THBS4: variants seen among roughly 807,000 people sequenced by gnomAD.
THBS4 encodes the protein thrombospondin 4, also known as thrombospondin-4.
In THBS4, 90 loss-of-function variants were observed where a neutral mutation model predicts 115.7. The ratio of observed to expected loss-of-function variants is 0.78; its 90% CI spans 0.66 to 0.93. THBS4 has a LOEUF of 0.93. Among genes scored for constraint, THBS4 ranks in the 40% least tolerant of loss-of-function variants. The probability of loss-of-function intolerance (pLI) is 0.00; values close to 1 mark genes in which losing one functional copy is unlikely to be tolerated. For missense variants in THBS4, 1,087 were observed against 1,232.7 expected, an observed-to-expected ratio of 0.88 and a Z score of 1.77; for synonymous variants, 460 against 479.3, an observed-to-expected ratio of 0.96 and a Z score of 0.53.
chr5:80,001,066 A>G (rs1831888901), intron 2 of THBS4, among the ~76,000 whole-genome samples: 3 of 152,222 alleles, frequency 2.0e-5, no homozygotes, highest in African/African-American at 4.8e-5. Flanking sequence ...TTGACTCTCA[A>G]TAAGACTTCT....
chr5:80,049,954 G>C (rs538516504), intron 2 of THBS4, among the ~76,000 whole-genome samples: 1 of 152,322 alleles, frequency 6.6e-6, no homozygotes, highest in African/African-American at 2.4e-5. Flanking sequence ...AGGTGGAGCA[G>C]AGTCAGAGAC....
chr5:80,040,302 A>G (rs771446876), intron 2 of THBS4, 22 bp downstream of exon 2: 1 of 1,578,292 alleles, frequency 6.3e-7, no homozygotes, highest in South Asian at 1.1e-5. Context: ...TGCTGAAATT[A>G]TTTTCTTAAA....
chr5:80,070,168 C>A (rs1833981626), intron 10 of THBS4, 138 bp from the exon 11 acceptor site: 1 of 631,550 alleles, frequency 1.6e-6, no homozygotes, highest in Non-Finnish European at 2.7e-6. Context: ...TAAATAGTTT[C>A]TAAGCCCCAC....
chr5:80,044,424 AT>A (rs984446380), intron 2 of THBS4, among the ~76,000 whole-genome samples: 10 of 150,692 alleles, frequency 6.6e-5, no homozygotes, highest in Non-Finnish European at 1.0e-4. Flanking sequence ...TAAAAAAAAA[AT>A]TATTTATTTA....
chr5:80,048,824 A>G (rs1833159856), intron 2 of THBS4, among the ~76,000 whole-genome samples: 2 of 152,254 alleles, frequency 1.3e-5, no homozygotes, highest in African/African-American at 4.8e-5. Flanking sequence ...ACAAAGACCT[A>G]GTGTATAGGG....
chr5:80,059,058 G>A (rs1217295373), intron 5 of THBS4, among the ~76,000 whole-genome samples: 5 of 152,220 alleles, frequency 3.3e-5, no homozygotes, highest in Non-Finnish European at 7.3e-5. Context: ...AGAGCCAGGT[G>A]CGGTGCCTCA....
In THBS4 at chr5:80,058,289, T is replaced by C; in HGVS notation, c.624T>C (p.Ser208=). 6.4e-7 allele frequency: 1 copy of C among 1,566,692 alleles called. No individual in the cohort carries two copies. Among genetic ancestry groups the C allele is most frequent in the Non-Finnish European group, 8.7e-7 (1 of 1,154,700 alleles). The stretch of plus-strand genomic sequence containing the variant: ...TGCAAGACTGCTTCCTGCAGCAGAG[T>C]GAGCCACTGGCTGCCACAGGCACAG... ...ASLQDCFLQQ[S]EPLAATGTGD... Residue 208 remains serine (S), a synonymous_variant, in exon 4 of 22, where the codon AGT becomes AGC. Coordinates refer to ENST00000350881, the MANE Select transcript of THBS4 (RefSeq NM_003248.6).
chr5:80,023,305 G>A (rs1441036099), intron 2 of THBS4, among the ~76,000 whole-genome samples: 3 of 152,082 alleles, frequency 2.0e-5, no homozygotes, highest in African/African-American at 2.4e-5. Flanking sequence ...GAGATATATC[G>A]TATCTCTATA....
At chr5:80,004,499 C>G (rs988779358) in intron 2 of THBS4, among the ~76,000 whole-genome samples, 1 of 152,176 alleles carries the variant, frequency 6.6e-6, no homozygotes, top group Non-Finnish European at 1.5e-5. Flanking sequence ...GCTATAGTCT[C>G]CTGCCACTGT....
intron 10 of THBS4, among the ~76,000 whole-genome samples, chr5:80,069,488 A>G (rs1227312187): frequency 2.0e-5 from 3 of 152,192 alleles, no homozygotes; most frequent in Non-Finnish European, 4.4e-5. Context: ...TTTTCTGTGA[A>G]CAAATTGACA....
At chr5:80,077,937 C>G (rs1368458297) in intron 16 of THBS4, 112 bp from the exon 17 acceptor site, 3 of 920,464 alleles carry the variant, frequency 3.3e-6, no homozygotes, top group Non-Finnish European at 4.6e-6. Context: ...AATCATGGCC[C>G]TGGTTGTGGG....
intron 3 of THBS4, among the ~76,000 whole-genome samples, chr5:80,056,942 G>A (rs908232640): frequency 7.9e-5 from 12 of 152,180 alleles, no homozygotes; most frequent in South Asian, 2.1e-4. Context: ...ATGCTGTGCA[G>A]TTTTAGATAG....
chr5:80,083,221 C>A lies in THBS4; in HGVS notation c.*80C>A. 1 of 1,269,004 alleles carries A rather than the reference C, an allele frequency of 7.9e-7. No homozygotes were observed. Among genetic ancestry groups the A allele is most frequent in the South Asian group, 1.2e-5 (1 of 83,202 alleles). The allele number at this position is 1,269,004 out of a possible 1,614,324, so 78.6% of individuals were successfully genotyped here. On this transcript the variant is annotated 3_prime_UTR_variant, in exon 22 of 22. Coordinates refer to ENST00000350881, the MANE Select transcript of THBS4 (RefSeq NM_003248.6). Reference sequence around the variant, plus strand: ...AACTTCAATTTTCTTTAGCTTTTACCAACCCAAATATATCAAAACGTTTTA... The same window carrying A: ...AACTTCAATTTTCTTTAGCTTTTACAAACCCAAATATATCAAAACGTTTTA...
In THBS4 at chr5:80,035,879, A is replaced by T; in HGVS notation, c.88+254A>T. The T allele has an allele frequency of 1.4e-6, 1 of 705,152 alleles. No individual in the cohort carries two copies. Among genetic ancestry groups the T allele is most frequent in the Non-Finnish European group, 1.9e-6 (1 of 520,056 alleles). 43.7% of individuals were successfully genotyped at this position (705,152 alleles called of 1,614,324 possible). On this transcript the variant is annotated intron_variant, in intron 1 of 21. Transcript: ENST00000350881. The surrounding 1 kb of genome is among the most constrained non-coding windows in gnomAD (Gnocchi z 4.6). ...CAAAATTGTTTCAGACTATGCAAAG[A>T]TGTGGGGTGGGGTTGCCTTCAAAAC...
At chr5:80,063,111 C>T (rs1278140714) in intron 8 of THBS4, among the ~76,000 whole-genome samples, 3 of 152,250 alleles carry the variant, frequency 2.0e-5, no homozygotes, top group African/African-American at 7.2e-5. Flanking sequence ...AATCGCCACA[C>T]TGTCTTCCAC....
At chr5:80,016,983 C>T (rs1298342685) in intron 2 of THBS4, among the ~76,000 whole-genome samples, 1 of 151,950 alleles carries the variant, frequency 6.6e-6, no homozygotes, top group African/African-American at 2.4e-5. Flanking sequence ...TTGGTTTATT[C>T]CTACTTAAGT....
chr5:80,070,828 T>C, intron 12 of THBS4, 78 bp downstream of exon 12: 2 of 1,569,888 alleles, frequency 1.3e-6, no homozygotes, highest in South Asian at 1.1e-5. Context: ...GTCAACTATG[T>C]ATATGAATCA....
intron 3 of THBS4, among the ~76,000 whole-genome samples, 194 bp downstream of exon 3, chr5:80,056,226 G>A (rs899538528): frequency 2.0e-5 from 3 of 152,120 alleles, no homozygotes; most frequent in East Asian, 3.8e-4. Flanking sequence ...CGAATCTGTC[G>A]GGTGGGGCCT....
chr5:80,011,194 T>G (rs1832118108), intron 2 of THBS4, among the ~76,000 whole-genome samples: 1 of 152,220 alleles, frequency 6.6e-6, no homozygotes, highest in Non-Finnish European at 1.5e-5. Flanking sequence ...CGTGACTTGC[T>G]TCTCCTTGCC....
Sources: allele counts gnomAD v4.1 joint callset (sites outside exome capture counted in the v4.1 genomes callset), GRCh38; gene constraint gnomAD v4.1.1; non-coding constraint Gnocchi (gnomAD v3.1); transcripts MANE v1.5; gene names NCBI Gene and HGNC (gene_info 2026-07-23, HGNC 2026-07-21).